The following CHD6 variants were observed in gnomAD, a reference collection of about 807,000 sequenced individuals.
CHD6 encodes chromodomain helicase DNA binding protein 6, also known as ATP-dependent chromatin remodeler CHD6.
Under a neutral mutation model 276.9 loss-of-function variants are expected in CHD6, and 50 were observed. That is an observed-to-expected ratio of 0.18 (90% CI 0.14 to 0.23). CHD6 has a LOEUF of 0.23. Among genes scored for constraint, CHD6 ranks in the 10% least tolerant of loss-of-function variants. The pLI, the probability that CHD6 is intolerant of heterozygous loss-of-function variation, is 1.00. For synonymous variants in CHD6, 1,173 were observed against 1,229.3 expected, an observed-to-expected ratio of 0.95 and a Z score of 0.96; for missense variants, 2,564 against 3,365.8, an observed-to-expected ratio of 0.76 and a Z score of 5.89.
chr20:41,576,063 ATTC>A (rs2045471152), intron 1 of CHD6, among the ~76,000 whole-genome samples: 1 of 152,176 alleles, frequency 6.6e-6, no homozygotes, highest in Non-Finnish European at 1.5e-5. Context: ...GGAAAAATTA[ATTC>A]TTTTTTTTTC....
intron 3 of CHD6, among the ~76,000 whole-genome samples, chr20:41,526,052 C>T (rs543702018): frequency 1.3e-5 from 2 of 151,868 alleles, no homozygotes; most frequent in Non-Finnish European, 2.9e-5. Context: ...AATGAGTAGG[C>T]ATTTATCAAG....
chr20:41,482,887 TTC>T (rs1305500749), intron 16 of CHD6, among the ~76,000 whole-genome samples: 1 of 152,164 alleles, frequency 6.6e-6, no homozygotes, highest in East Asian at 1.9e-4. Flanking sequence ...CCCACATTCT[TTC>T]TCTGTGAGTT....
At chr20:41,608,405 A>G (rs1335388432) in intron 1 of CHD6, among the ~76,000 whole-genome samples, 1 of 152,222 alleles carries the variant, frequency 6.6e-6, no homozygotes, top group African/African-American at 2.4e-5. Flanking sequence ...TATTTCACTG[A>G]TAGTATCTTT....
At position 41,415,591 on chromosome 20, in the gene CHD6, C is replaced by T. The variant is rs1027805567; in HGVS notation, c.6534G>A (p.Arg2178=). 1.2e-6 allele frequency: 2 copies of T among 1,611,334 alleles called. No homozygotes were observed. The highest frequency in any genetic ancestry group is 2.2e-5 in the South Asian group (2 of 90,606). ...PVFTKDEQKH[R]RPYEFEVERD... The stretch of plus-strand genomic sequence containing the variant: ...TCTCCACCTCAAACTCATAGGGACG[C>T]CTGTGCTTTTGTTCATCCTTTGTGA... The change falls in exon 34 of 37, where the codon AGG becomes AGA. Residue 2178 remains arginine (R), a synonymous_variant. Transcript: ENST00000373233.
intron 27 of CHD6, among the ~76,000 whole-genome samples, chr20:41,432,133 C>T (rs1158732076): frequency 3.7e-5 from 5 of 135,336 alleles, no homozygotes; most frequent in African/African-American, 6.2e-5. Context: ...GCACTCCAAC[C>T]TGGGCAGCAA....
chr20:41,470,716 T>C (rs942969957), intron 17 of CHD6, among the ~76,000 whole-genome samples: 3 of 152,244 alleles, frequency 2.0e-5, no homozygotes, highest in African/African-American at 4.8e-5. Flanking sequence ...GCTACACATA[T>C]AAATCAGTCA....
At chr20:41,405,646 T>C (rs41278110) in intron 36 of CHD6, among the ~76,000 whole-genome samples, 157 bp from the exon 37 acceptor site, 15,052 of 152,232 alleles carry the variant, frequency 0.099, 1,254 homozygotes, top group East Asian at 0.34. Context: ...TGCAGCTCTC[T>C]GGCCTGACTG....
rs3817892 is a variant in CHD6, at chr20:41,416,893, G to A, written c.6280-99C>T. The A allele has an allele frequency of 2.7e-3, 2,738 of 1,004,226 alleles. 66 individuals are homozygous for A. The East Asian group carries it at 0.058, about 21-fold the overall frequency. The allele number at this position is 1,004,226 out of a possible 1,614,324, so 62.2% of individuals were successfully genotyped here. A position where few individuals can be genotyped will look rare whatever the true frequency, so the allele number is the denominator to read the frequency against. On this transcript the variant is annotated intron_variant, in intron 32 of 36. Transcript: ENST00000373233. ...GTTAAGCTTTTCACCAGAAGGAGTC[G>A]ATAAGAAAAGAGCACACTCAAACAT...
chr20:41,555,685 C>A (rs2045222332), intron 1 of CHD6, among the ~76,000 whole-genome samples: 2 of 151,286 alleles, frequency 1.3e-5, no homozygotes, highest in Non-Finnish European at 2.9e-5. Context: ...CCCCACATCT[C>A]AGACGATGGG....
At chr20:41,493,966 A>C (rs2145876415) in intron 8 of CHD6, 22 bp from the exon 9 acceptor site, 1 of 1,589,660 alleles carries the variant, frequency 6.3e-7, no homozygotes. Flanking sequence ...AGAGGAGAAC[A>C]GTTAGGAAGT....
chr20:41,449,328 T>C (rs1232149350), intron 23 of CHD6, among the ~76,000 whole-genome samples: 1 of 152,244 alleles, frequency 6.6e-6, no homozygotes, highest in Non-Finnish European at 1.5e-5. Context: ...GAACAGAATG[T>C]CAGAGTCCTG....
chr20:41,467,475 A>G (rs1174875301), intron 17 of CHD6, among the ~76,000 whole-genome samples: 9 of 148,218 alleles, frequency 6.1e-5, no homozygotes, highest in Admixed American at 3.4e-4. Context: ...TGCTCTAATT[A>G]TAGTGCTCAC....
chr20:41,413,010 A>G (rs972670952), intron 35 of CHD6, among the ~76,000 whole-genome samples: 3 of 152,232 alleles, frequency 2.0e-5, no homozygotes, highest in Admixed American at 1.3e-4. Context: ...TATGCAACCT[A>G]AAGATTTCTC....
Position 41,403,710 on chromosome 20 carries a change from C to A in CHD6, c.*883G>T. ...AGTGAAAATCCATTCGGTCCTGGTG[C>A]TCTTTAAACACAGAGAGGCAAATTA... On this transcript the variant is annotated 3_prime_UTR_variant, in exon 37 of 37. Coordinates refer to ENST00000373233, the MANE Select transcript of CHD6 (RefSeq NM_032221.5). 1 of 1,057,460 alleles carries A rather than the reference C, an allele frequency of 9.5e-7. No individual in the cohort carries two copies. The highest frequency in any genetic ancestry group is 1.1e-6 in the Non-Finnish European group (1 of 874,442). 65.5% of individuals were successfully genotyped at this position (1,057,460 alleles called of 1,614,324 possible).
chr20:41,555,211 T>C (rs1236712408), intron 1 of CHD6, among the ~76,000 whole-genome samples: 31 of 93,434 alleles, frequency 3.3e-4, no homozygotes, highest in East Asian at 5.3e-4. Flanking sequence ...ACCTCCCGGA[T>C]GGGGCGGCTG....
In CHD6 at chr20:41,402,194, G is replaced by A. The variant is rs1055059375; in HGVS notation, c.*2399C>T. ...GAAAGTTATGGCCGTGAGTGACATG[G>A]AATTAGATGAAAAGGCTCAAGTTTG... is the stretch of plus-strand genomic sequence containing the variant. On this transcript the variant is annotated 3_prime_UTR_variant, in exon 37 of 37. Transcript: ENST00000373233. 1 of 215,724 alleles carries A rather than the reference G, an allele frequency of 4.6e-6. No individual in the cohort carries two copies. The allele number at this position is 215,724 out of a possible 1,614,324, so 13.4% of individuals were successfully genotyped here. A position where few individuals can be genotyped will look rare whatever the true frequency, so the allele number is the denominator to read the frequency against.
chr20:41,473,905 T>C lies in CHD6; in HGVS notation c.2469-388A>G, dbSNP rs1461044173. On this transcript the variant is annotated intron_variant, in intron 16 of 36. Coordinates refer to ENST00000373233, the MANE Select transcript of CHD6 (RefSeq NM_032221.5). The surrounding 1 kb of genome is among the most constrained non-coding windows in gnomAD (Gnocchi z 4.1). ...ACCAGGAAAAACAAACAAAAGCCTT[T>C]CCCATCTACTTTGAGTAGTGCTCAC... Among the ~76,000 whole-genome samples the C allele has an allele frequency of 6.6e-6, 1 of 152,202 alleles. No individual in the cohort carries two copies. Among genetic ancestry groups the C allele is most frequent in the Non-Finnish European group, 1.5e-5 (1 of 68,056 alleles).
chr20:41,464,026 G>A lies in CHD6; in HGVS notation c.2665-6598C>T, dbSNP rs888838212. 2.0e-5 allele frequency among the ~76,000 whole-genome samples: 3 copies of A among 152,280 alleles called. No individual in the cohort carries two copies. The East Asian group carries it at 5.8e-4, about 29-fold the overall frequency. ...GAAAGAAAGGGACAGAGACACAAAG[G>A]AGAGAGTGAGAAAGGGCAAAAATGA... On this transcript the variant is annotated intron_variant, in intron 17 of 36. Transcript: ENST00000373233.
chr20:41,451,727 G>T, intron 22 of CHD6, 99 bp downstream of exon 22: 1 of 1,038,714 alleles, frequency 9.6e-7, no homozygotes, highest in South Asian at 1.4e-5. Flanking sequence ...ACCCGAGAAA[G>T]AGAAGTCCCC....
Sources: allele counts gnomAD v4.1 joint callset (sites outside exome capture counted in the v4.1 genomes callset), GRCh38; gene constraint gnomAD v4.1.1; non-coding constraint Gnocchi (gnomAD v3.1); transcripts MANE v1.5; gene names NCBI Gene and HGNC (gene_info 2026-07-23, HGNC 2026-07-21).